Variants in NYAP2 observed in about 807,000 individuals in gnomAD.
NYAP2 encodes the protein neuronal tyrosine-phosphorylated phosphoinositide-3-kinase adaptor 2.
NYAP2 carries 23 observed loss-of-function variants against 50.4 expected under a neutral mutation model. That is an observed-to-expected ratio of 0.46 (90% confidence interval 0.33 to 0.65). The LOEUF (loss-of-function observed/expected upper bound fraction) is 0.65. Among genes scored for constraint, NYAP2 ranks in the 30% least tolerant of loss-of-function variants. The pLI, the probability that NYAP2 is intolerant of heterozygous loss-of-function variation, is 0.02. For missense variants in NYAP2, 885 were observed against 861.0 expected (o/e 1.03, Z -0.35); for synonymous variants, 394 against 365.2 (o/e 1.08, Z -0.90).
At chr2:225,670,101 A>G in the NYAP2 span, among the ~76,000 whole-genome samples, 1 of 152,168 alleles carries the variant, frequency 6.6e-6, no homozygotes, top group East Asian at 1.9e-4. Flanking sequence ...GGTTTTATAG[A>G]TAGGTCATGA....
At position 225,651,536 on chromosome 2, in the gene NYAP2, G is replaced by A; in HGVS notation, c.1933G>A (p.Val645Ile). 6.2e-7 allele frequency: 1 copy of A among 1,613,978 alleles called. No homozygotes were observed. Among genetic ancestry groups the A allele is most frequent in the Non-Finnish European group, 8.5e-7 (1 of 1,179,878 alleles). The change falls in exon 7 of 7, where the codon GTA (valine) becomes ATA (isoleucine). Residue 645 changes from valine (V) to isoleucine (I), a missense_variant. By Grantham distance (29) the Val-to-Ile change is conservative. Transcript: ENST00000636099. Reference sequence around the variant, plus strand: ...AAGCAGTGACCTGCAACAGAGCCAGGTACCATCATCGTTAGCCAATCGTGA... The same window carrying A: ...AAGCAGTGACCTGCAACAGAGCCAGATACCATCATCGTTAGCCAATCGTGA...
At chr2:225,566,633 A>G (rs1161188396) in intron 4 of NYAP2, among the ~76,000 whole-genome samples, 9 of 152,248 alleles carry the variant, frequency 5.9e-5, no homozygotes, top group African/African-American at 2.2e-4. Flanking sequence ...GACTTAGGAA[A>G]TCAACTTGGT....
At chr2:225,611,435 A>G (rs1034445819) in intron 5 of NYAP2, among the ~76,000 whole-genome samples, 1 of 151,732 alleles carries the variant, frequency 6.6e-6, no homozygotes, top group African/African-American at 2.4e-5. Flanking sequence ...AGTGCCTTTT[A>G]TCCCTTTCTC....
chr2:225,578,243 C>T (rs1692202621), intron 4 of NYAP2, among the ~76,000 whole-genome samples: 1 of 151,954 alleles, frequency 6.6e-6, no homozygotes, highest in Non-Finnish European at 1.5e-5. Flanking sequence ...CTCACACCTT[C>T]ATTTTAAAGT....
the NYAP2 span, among the ~76,000 whole-genome samples, chr2:225,677,947 ACTC>A: frequency 7.3e-5 from 11 of 151,540 alleles, no homozygotes; most frequent in African/African-American, 2.7e-4. Context: ...TTAGGGAGAA[ACTC>A]CTCCTCCTTG....
At chr2:225,472,971 A>AC (rs1462020801) in intron 3 of NYAP2, among the ~76,000 whole-genome samples, 1 of 152,030 alleles carries the variant, frequency 6.6e-6, no homozygotes, top group Admixed American at 6.6e-5. Context: ...CGCTTACCCC[A>AC]CAACAGGCCC....
intron 3 of NYAP2, among the ~76,000 whole-genome samples, chr2:225,421,157 C>T (rs182392967): frequency 9.2e-4 from 140 of 152,246 alleles, no homozygotes; most frequent in African/African-American, 3.3e-3. Context: ...GTAATCCTCC[C>T]TCCCCAGGCT....
the NYAP2 span, among the ~76,000 whole-genome samples, chr2:225,696,548 G>A: frequency 1.3e-5 from 2 of 151,842 alleles, no homozygotes; most frequent in East Asian, 3.9e-4. Flanking sequence ...ATGTTTTCTA[G>A]GTCTAGGACC....
At chr2:225,491,556 T>C (rs922762459) in intron 3 of NYAP2, among the ~76,000 whole-genome samples, 3 of 152,238 alleles carry the variant, frequency 2.0e-5, no homozygotes, top group Admixed American at 2.0e-4. Flanking sequence ...AATATATCTC[T>C]ATAGTTTTTA....
At chr2:225,487,504 C>T (rs947795067) in intron 3 of NYAP2, among the ~76,000 whole-genome samples, 11 of 151,956 alleles carry the variant, frequency 7.2e-5, no homozygotes, top group Non-Finnish European at 1.3e-4. Flanking sequence ...GGATTATAGG[C>T]GCCCACCGCC....
chr2:225,532,190 C>A (rs1335594235), intron 4 of NYAP2, among the ~76,000 whole-genome samples: 1 of 152,074 alleles, frequency 6.6e-6, no homozygotes, highest in Non-Finnish European at 1.5e-5. Flanking sequence ...AGATTCATTC[C>A]TTTTTTTCCA....
chr2:225,669,280 G>A, the NYAP2 span, among the ~76,000 whole-genome samples: 9 of 152,068 alleles, frequency 5.9e-5, no homozygotes, highest in African/African-American at 1.7e-4. Flanking sequence ...ATTATGGCAC[G>A]TGAATTTGGC....
rs759695162 is a variant in NYAP2, at chr2:225,582,859, C to A, written c.1442C>A (p.Ser481Ter). 6.2e-7 allele frequency: 1 copy of A among 1,613,678 alleles called. No homozygotes were observed. The highest frequency in any genetic ancestry group is 1.3e-5 in the African/African-American group (1 of 74,942). ...CCTCACTCGACCCCCAGACCCGTGT[C>A]GCAAGATGGGGCCAAGATGGTCAAC... The change falls in exon 5 of 7, where the codon TCG becomes TAG. Residue 481 changes from serine (S) to a stop codon, truncating the protein, a stop_gained. Coordinates refer to ENST00000636099, the Ensembl canonical transcript of NYAP2. LOFTEE classifies it high-confidence loss of function. The surrounding 1 kb of genome is among the most constrained non-coding windows in gnomAD (Gnocchi z 7.0).
intron 2 of NYAP2, among the ~76,000 whole-genome samples, chr2:225,403,435 C>T (rs1256439757): frequency 6.6e-6 from 1 of 151,980 alleles, no homozygotes; most frequent in Non-Finnish European, 1.5e-5. Context: ...TGGCTGGTCA[C>T]AATTAGCATT....
chr2:225,697,494 T>A, the NYAP2 span, among the ~76,000 whole-genome samples: 4 of 152,000 alleles, frequency 2.6e-5, no homozygotes, highest in African/African-American at 9.7e-5. Flanking sequence ...TTTGATGAGA[T>A]GAATTATTAA....
intron 3 of NYAP2, among the ~76,000 whole-genome samples, chr2:225,463,425 T>G (rs1045802708): frequency 6.6e-6 from 1 of 152,274 alleles, no homozygotes; most frequent in African/African-American, 2.4e-5. Flanking sequence ...TTGATGAACA[T>G]TTTATTTGTG....
At chr2:225,506,544 G>A (rs1323238907) in intron 3 of NYAP2, among the ~76,000 whole-genome samples, 4 of 152,150 alleles carry the variant, frequency 2.6e-5, no homozygotes, top group Non-Finnish European at 4.4e-5. Flanking sequence ...ACCTAGAAAA[G>A]GCCATTCTGC....
At chr2:225,680,572 A>G in the NYAP2 span, among the ~76,000 whole-genome samples, 2 of 152,306 alleles carry the variant, frequency 1.3e-5, no homozygotes, top group South Asian at 4.1e-4. Context: ...ATATAACTTT[A>G]TTATAAGGAT....
chr2:225,451,153 G>A (rs1689643821), intron 3 of NYAP2, among the ~76,000 whole-genome samples: 1 of 152,094 alleles, frequency 6.6e-6, no homozygotes, highest in Non-Finnish European at 1.5e-5. Flanking sequence ...TTTCATCTTT[G>A]GCAAGGGAAG....
Sources: gnomAD v4.1 joint callset for allele counts (sites outside exome capture counted in the v4.1 genomes callset) on GRCh38, gnomAD v4.1.1 for gene constraint, Gnocchi (gnomAD v3.1) non-coding constraint, MANE v1.5 for transcripts, NCBI Gene and HGNC (gene_info 2026-07-23, HGNC 2026-07-21) for gene names.